The following CIROP variants were observed in gnomAD, a reference collection of about 807,000 sequenced individuals.
CIROP encodes leishmanolysin homolog.
At chr14:23,101,040 G>A in the CIROP span, 40 of 399,304 alleles carry the variant, frequency 1.0e-4, no homozygotes, top group East Asian at 1.3e-3. Flanking sequence ...TGACACAGCC[G>A]ACCCCGGGGA....
At chr14:23,102,788 C>T in the CIROP span, 1 of 695,462 alleles carries the variant, frequency 1.4e-6, no homozygotes, top group Middle Eastern at 2.7e-4. Context: ...AACCCCTCTG[C>T]CCAATCAGCT....
chr14:23,099,684 C>T, the CIROP span: 1,998 of 359,178 alleles, frequency 5.6e-3, 43 homozygotes, highest in African/African-American at 0.038. Context: ...CTCAACCTTC[C>T]GAATAGCTGG....
At chr14:23,101,509 C>T in the CIROP span, 9 of 632,138 alleles carry the variant, frequency 1.4e-5, no homozygotes, top group Non-Finnish European at 2.6e-5. Flanking sequence ...GTAGATCTCC[C>T]CATGGGGATT....
At chr14:23,104,733 C>A in the CIROP span, 1 of 702,822 alleles carries the variant, frequency 1.4e-6, no homozygotes, top group Non-Finnish European at 2.6e-6. Context: ...GCTTTGGATT[C>A]GTAGGGGTTG....
the CIROP span, chr14:23,100,403 C>G: frequency 2.4e-6 from 1 of 412,434 alleles, no homozygotes; most frequent in East Asian, 3.6e-5. Context: ...AAACGCAACC[C>G]TGTCTAGGAC....
the CIROP span, chr14:23,101,006 AC>A: frequency 2.5e-6 from 1 of 399,044 alleles, no homozygotes; most frequent in South Asian, 1.3e-4. Context: ...TGGGGAAGTA[AC>A]AGCATTGATA....
the CIROP span, chr14:23,099,440 A>G: frequency 2.4e-6 from 1 of 413,380 alleles, no homozygotes; most frequent in Non-Finnish European, 4.4e-6. Flanking sequence ...AGTCCCATGG[A>G]CAGCCTTAGG....
chr14:23,099,494 G>T, the CIROP span: 1 of 412,318 alleles, frequency 2.4e-6, no homozygotes, highest in South Asian at 1.3e-4. Context: ...AGCAACCTAG[G>T]AACATAGAAG....
the CIROP span, chr14:23,103,151 G>C: frequency 2.2e-6 from 1 of 450,242 alleles, no homozygotes; most frequent in Non-Finnish European, 3.9e-6. Flanking sequence ...GGACTCTGCA[G>C]AACTCTGCAG....
chr14:23,104,652 C>T, the CIROP span: 2,356 of 702,958 alleles, frequency 3.4e-3, 36 homozygotes, highest in African/African-American at 0.034. Context: ...GGCCAGGGCT[C>T]GGGATCCCCC....
chr14:23,101,786 A>G, the CIROP span: 2 of 702,852 alleles, frequency 2.8e-6, no homozygotes, highest in Non-Finnish European at 5.2e-6. Context: ...TGGATGGTAG[A>G]GTGACACTAG....
At chr14:23,104,435 T>C in the CIROP span, 5 of 702,942 alleles carry the variant, frequency 7.1e-6, no homozygotes, top group Non-Finnish European at 1.3e-5. Context: ...GGCAATACTG[T>C]GCAGGGTCTC....
At chr14:23,103,592 C>CAAAAG in the CIROP span, 1 of 633,128 alleles carries the variant, frequency 1.6e-6, no homozygotes, top group East Asian at 2.7e-5. Flanking sequence ...CAAAACAAAA[C>CAAAAG]TGCTTTTATG....
the CIROP span, chr14:23,104,967 G>A: frequency 1.4e-5 from 9 of 648,276 alleles, no homozygotes; most frequent in East Asian, 1.1e-4. Context: ...CCTGTCTTCC[G>A]TCCCCTTGTT....
chr14:23,101,703 T>A, the CIROP span: 1 of 703,002 alleles, frequency 1.4e-6, no homozygotes, highest in Non-Finnish European at 2.6e-6. Flanking sequence ...GCGGCAGCCT[T>A]CCAGCATGGG....
chr14:23,099,752 A>G, the CIROP span: 9 of 272,504 alleles, frequency 3.3e-5, no homozygotes, highest in East Asian at 6.7e-5. Context: ...CCTTAAAGAT[A>G]GAGCTCATGA....
the CIROP span, chr14:23,102,188 G>A: frequency 1.0e-5 from 7 of 702,992 alleles, no homozygotes; most frequent in East Asian, 8.0e-5. Flanking sequence ...AGTCGAGTGC[G>A]CTGGGCTCCA....
the CIROP span, chr14:23,104,851 G>A: frequency 4.3e-6 from 3 of 702,046 alleles, no homozygotes; most frequent in Non-Finnish European, 7.8e-6. Flanking sequence ...TCATCATGTA[G>A]ACATCGGCTT....
At chr14:23,104,275 C>T in the CIROP span, 1 of 682,678 alleles carries the variant, frequency 1.5e-6, no homozygotes, top group South Asian at 1.5e-5. Context: ...CCTTTGTATC[C>T]TGGGTTCAAG....
Sources: gnomAD v4.1 joint callset for allele counts on GRCh38, gnomAD v4.1.1 for gene constraint, MANE v1.5 for transcripts, NCBI Gene and HGNC (gene_info 2026-07-23, HGNC 2026-07-21) for gene names.